PSD3: variants seen among roughly 807,000 people sequenced by gnomAD.
PSD3 encodes PH and SEC7 domain-containing protein 3.
A neutral mutation model predicts 105.5 loss-of-function variants in PSD3; 49 were observed. The observed-to-expected ratio is 0.46, with a 90% confidence interval of 0.37 to 0.59. The LOEUF (loss-of-function observed/expected upper bound fraction) is 0.59, where lower values mean the gene tolerates loss of function less well. Ranked by LOEUF, PSD3 falls within the 20% of genes least tolerant of loss-of-function variation. The pLI is 0.00. For missense variants in PSD3, 1,561 were observed against 1,263.8 expected (o/e 1.24, Z -3.57); for synonymous variants, 557 against 457.8 (o/e 1.22, Z -2.77).
At chr8:18,816,073 G>A (rs1812198061) in intron 4 of PSD3, among the ~76,000 whole-genome samples, 1 of 152,188 alleles carries the variant, frequency 6.6e-6, no homozygotes, top group African/African-American at 2.4e-5. Flanking sequence ...CCTGGAGACA[G>A]ATCCAAAGGG....
At chr8:18,894,048 T>C (rs771377732) in intron 2 of PSD3, among the ~76,000 whole-genome samples, 1 of 152,194 alleles carries the variant, frequency 6.6e-6, no homozygotes, top group Non-Finnish European at 1.5e-5. Flanking sequence ...TCAATATATA[T>C]AAATTGCTTA....
chr8:18,561,448 G>A (rs1801392357), intron 14 of PSD3, among the ~76,000 whole-genome samples: 1 of 152,160 alleles, frequency 6.6e-6, no homozygotes, highest in African/African-American at 2.4e-5. Flanking sequence ...TAAGGAGAAT[G>A]GTGGTTACCA....
intron 14 of PSD3, among the ~76,000 whole-genome samples, chr8:18,570,661 A>G (rs1256719784): frequency 6.7e-6 from 1 of 149,438 alleles, no homozygotes; most frequent in Non-Finnish European, 1.5e-5. Context: ...AAGTGGGCGA[A>G]GGACATGAAC....
chr8:18,883,528 C>A (rs7010288), intron 2 of PSD3, among the ~76,000 whole-genome samples: 53,080 of 151,956 alleles, frequency 0.35, 10,193 homozygotes, highest in African/African-American at 0.48. Context: ...CAAAAAGATC[C>A]TAAAATAACT....
intron 4 of PSD3, among the ~76,000 whole-genome samples, chr8:18,836,633 G>C (rs1388772455): frequency 6.6e-6 from 1 of 152,106 alleles, no homozygotes; most frequent in East Asian, 1.9e-4. Flanking sequence ...CACAATTTAT[G>C]GACGCTCCAG....
chr8:18,653,273 C>T (rs11785325), intron 10 of PSD3, among the ~76,000 whole-genome samples: 65,669 of 151,392 alleles, frequency 0.43, 14,685 homozygotes, highest in South Asian at 0.54. Context: ...AGAAATTATA[C>T]GATAACCACT....
In PSD3 at chr8:18,534,371, T is replaced by A. The variant is rs1165825755; in HGVS notation, c.*1372A>T. On this transcript the variant is annotated 3_prime_UTR_variant, in exon 16 of 16. Transcript: ENST00000327040. ...TGGGCTAAACTTTCACTCCTTTCTC[T>A]TCCTCTACAGAAGAATATTCTGTTT... 1 of 152,644 alleles carries A rather than the reference T, an allele frequency of 6.6e-6. No homozygotes were observed. The highest frequency in any genetic ancestry group is 1.9e-4 in the East Asian group (1 of 5,196). The allele number at this position is 152,644 out of a possible 1,614,324, so 9.5% of individuals were successfully genotyped here. A position where few individuals can be genotyped will look rare whatever the true frequency, so the allele number is the denominator to read the frequency against.
intron 1 of PSD3, among the ~76,000 whole-genome samples, chr8:19,058,832 G>A (rs1828794817): frequency 6.6e-6 from 1 of 152,168 alleles, no homozygotes; most frequent in Non-Finnish European, 1.5e-5. Context: ...CTTGGAAAGA[G>A]GAAGTGAGGA....
At chr8:18,967,052 G>C (rs1824305134) in intron 1 of PSD3, among the ~76,000 whole-genome samples, 2 of 152,264 alleles carry the variant, frequency 1.3e-5, no homozygotes, top group Admixed American at 1.3e-4. Context: ...ATTCCAGGCA[G>C]ACAGGAACAT....
rs527783210 is a variant in PSD3 at position 18,529,867 on chromosome 8, C to G, written c.*5876G>C. 44 of 152,578 alleles carry G rather than the reference C, an allele frequency of 2.9e-4. No individual in the cohort carries two copies. Among genetic ancestry groups the G allele is most frequent in the African/African-American group, 1.0e-3 (42 of 41,564 alleles). The allele number at this position is 152,578 out of a possible 1,614,324, so 9.5% of individuals were successfully genotyped here. ...ACAATAATTCTTAGAAGGAAATACT[C>G]TCGCAAAACTAAGACCCTGCCAATC... is the stretch of plus-strand genomic sequence containing the variant. On this transcript the variant is annotated 3_prime_UTR_variant, in exon 16 of 16. Transcript: ENST00000327040.
rs529330238 is a variant in PSD3 at position 18,840,240 on chromosome 8, C to T, written c.1634+27434G>A. 2.6e-5 allele frequency among the ~76,000 whole-genome samples: 4 copies of T among 152,306 alleles called. 1 individual carries two copies. The South Asian group carries it at 8.3e-4, about 32-fold the overall frequency. On this transcript the variant is annotated intron_variant, in intron 4 of 15. Transcript: ENST00000327040. ...TCATTCTCAGCAGCTAAGCCTCAAA[C>T]CCTCAATCACTCTGAGTAATAGGTG... is the stretch of plus-strand genomic sequence containing the variant.
chr8:18,610,809 C>T (rs1240804906), intron 11 of PSD3, among the ~76,000 whole-genome samples: 2 of 147,532 alleles, frequency 1.4e-5, no homozygotes, highest in African/African-American at 2.5e-5. Flanking sequence ...AAGACTTTTA[C>T]CCTAAAATGT....
intron 2 of PSD3, among the ~76,000 whole-genome samples, chr8:18,876,461 A>T (rs1817739771): frequency 6.6e-6 from 1 of 152,126 alleles, no homozygotes; most frequent in Non-Finnish European, 1.5e-5. Context: ...ATCATGGCTC[A>T]CTGCAGCCCT....
chr8:18,678,699 TA>T (rs10708718), intron 9 of PSD3, among the ~76,000 whole-genome samples: 150,813 of 152,288 alleles, frequency 0.99, 74,687 homozygotes, highest in Middle Eastern at 1. Context: ...TAATCCCAGC[TA>T]ACTTGGGAGG....
At position 18,872,455 on chromosome 8, in the gene PSD3, C is replaced by T. The variant is rs750023351; in HGVS notation, c.409G>A (p.Ala137Thr). 3 of 1,614,024 alleles carry T rather than the reference C, an allele frequency of 1.9e-6. No individual in the cohort carries two copies. Among genetic ancestry groups the T allele is most frequent in the South Asian group, 2.2e-5 (2 of 91,088 alleles). The change falls in exon 3 of 16, where the codon GCT becomes ACT. Residue 137 changes from alanine (A) to threonine (T), a missense_variant. Ala to Thr is a moderately conservative substitution (Grantham distance 58). Transcript: ENST00000327040. ...SLQPIDSLISALKATEARIIS... is the reference protein window; with the variant it reads ...SLQPIDSLISTLKATEARIIS... ...ATTCTGGCTTCTGTGGCTTTCAGAGCTGAAATCAAAGAGTCAATGGGCTGT... is the reference window on the plus strand; with the variant it reads ...ATTCTGGCTTCTGTGGCTTTCAGAGTTGAAATCAAAGAGTCAATGGGCTGT...
intron 14 of PSD3, among the ~76,000 whole-genome samples, chr8:18,562,790 G>A (rs1407153212): frequency 6.6e-5 from 10 of 152,112 alleles, no homozygotes; most frequent in Admixed American, 3.3e-4. Flanking sequence ...ACTGGAGGCC[G>A]AGGCAGGGGA....
At chr8:18,931,909 G>A (rs1298673758) in intron 2 of PSD3, among the ~76,000 whole-genome samples, 1 of 150,516 alleles carries the variant, frequency 6.6e-6, no homozygotes, top group Admixed American at 6.6e-5. Flanking sequence ...AACAGATGAT[G>A]TCACATTTCA....
chr8:18,636,418 G>A (rs1356897108), intron 10 of PSD3, among the ~76,000 whole-genome samples: 1 of 152,090 alleles, frequency 6.6e-6, no homozygotes, highest in East Asian at 1.9e-4. Context: ...CTAAAATAAC[G>A]AGTTTATGAA....
intron 11 of PSD3, among the ~76,000 whole-genome samples, chr8:18,626,510 C>G (rs945708800): frequency 2.0e-5 from 3 of 152,056 alleles, no homozygotes; most frequent in Admixed American, 6.6e-5. Context: ...GTCCAAAAAA[C>G]AGCATTCAGG....
Sources: gnomAD v4.1 joint callset for allele counts (sites outside exome capture counted in the v4.1 genomes callset) on GRCh38, gnomAD v4.1.1 for gene constraint, MANE v1.5 for transcripts, NCBI Gene and HGNC (gene_info 2026-07-23, HGNC 2026-07-21) for gene names.